Variants in ANO7 observed in about 807,000 individuals in gnomAD.
ANO7 encodes anoctamin-7.
A neutral mutation model predicts 115.8 loss-of-function variants in ANO7; 114 were observed. The observed-to-expected ratio is 0.98, with a 90% CI of 0.85 to 1.15. ANO7 has a LOEUF of 1.15. Ranked by LOEUF, ANO7 falls within the 50% of genes most tolerant of loss-of-function variation. ANO7 has a pLI of 0.00. For synonymous variants in ANO7, 550 were observed against 498.2 expected, an observed-to-expected ratio of 1.10 and a Z score of -1.38; for missense variants, 1,302 against 1,201.2, an observed-to-expected ratio of 1.08 and a Z score of -1.24.
At chr2:241,234,111 G>A in the ANO7 span, 8 of 818,388 alleles carry the variant, frequency 9.8e-6, no homozygotes, top group East Asian at 2.6e-5. Flanking sequence ...TCTCTGGTCC[G>A]ACCTCTGCCA....
chr2:241,231,176 G>A, the ANO7 span: 6 of 460,074 alleles, frequency 1.3e-5, no homozygotes, highest in South Asian at 5.1e-5. Context: ...CCTGAGGTCC[G>A]GAATTCGTGA....
intron 8 of ANO7, 68 bp downstream of exon 8, chr2:241,202,372 C>T: frequency 6.8e-7 from 1 of 1,474,522 alleles, no homozygotes; most frequent in African/African-American, 1.4e-5. Context: ...CTGTTGGCCC[C>T]CAGGGAGGCG....
chr2:241,231,069 G>T, the ANO7 span: 1 of 798,710 alleles, frequency 1.3e-6, no homozygotes, highest in Non-Finnish European at 2.0e-6. Flanking sequence ...CGTCACGGCT[G>T]ATTTAAAACA....
intron 7 of ANO7, among the ~76,000 whole-genome samples, chr2:241,201,945 C>T (rs1459558521): frequency 6.6e-6 from 1 of 152,232 alleles, no homozygotes; most frequent in African/African-American, 2.4e-5. Flanking sequence ...TCCCACATGC[C>T]GTGTGGCTCT....
the ANO7 span, chr2:241,235,295 G>C: frequency 6.2e-7 from 1 of 1,613,868 alleles, no homozygotes. Flanking sequence ...CAGGACCCCA[G>C]AGAACAGGAA....
chr2:241,202,424 G>A (rs1300547371), intron 8 of ANO7, 120 bp downstream of exon 8: 2 of 787,968 alleles, frequency 2.5e-6, no homozygotes, highest in Non-Finnish European at 4.2e-6. Flanking sequence ...CCACCCAGGA[G>A]TCAGAACACT....
At chr2:241,236,869 G>A in the ANO7 span, 1 of 1,302,680 alleles carries the variant, frequency 7.7e-7, no homozygotes, top group East Asian at 2.3e-5. Flanking sequence ...TGGGTGCTGG[G>A]TGGTAAAAGG....
At chr2:241,194,760 T>A (rs1410572254) in intron 3 of ANO7, among the ~76,000 whole-genome samples, 1 of 152,208 alleles carries the variant, frequency 6.6e-6, no homozygotes, top group Non-Finnish European at 1.5e-5. Context: ...ACCTTCACCA[T>A]AGGAATGTAT....
Position 241,204,932 on chromosome 2 carries a change from C to T in ANO7, c.957C>T (p.Phe319=). ...VGTLVFLVGC[F]LVFSDIPTQE... ...CACTGGTGTTCCTGGTGGGCTGCTT[C>T]CTGGTGTTCTCAGACATACCCACGT... The change falls in exon 10 of 25, where the codon TTC becomes TTT. Residue 319 remains phenylalanine (F), a synonymous_variant. Transcript: ENST00000674324. 6.2e-7 allele frequency: 1 copy of T among 1,614,082 alleles called. No individual in the cohort carries two copies. The highest frequency in any genetic ancestry group is 1.7e-4 in the Middle Eastern group (1 of 6,058).
At chr2:241,211,750 G>T (rs79776531) in intron 15 of ANO7, among the ~76,000 whole-genome samples, 2,153 of 152,246 alleles carry the variant, frequency 0.014, 46 homozygotes, top group African/African-American at 0.049. Flanking sequence ...TTCAGCCTTT[G>T]ATGCTCCTGC....
rs1014203218 is a variant in ANO7, at chr2:241,216,122, G to A, written c.1856G>A (p.Arg619Gln). 1.1e-5 allele frequency: 18 copies of A among 1,611,994 alleles called. No homozygotes were observed. Among genetic ancestry groups the A allele is most frequent in the African/African-American group, 9.4e-5 (7 of 74,782 alleles). Residue 619 changes from arginine (R) to glutamine (Q), a missense_variant, in exon 19 of 25, where the codon CGG becomes CAG. By Grantham distance (43) the Arg-to-Gln change is conservative. Coordinates refer to ENST00000674324, the MANE Select transcript of ANO7 (RefSeq NM_001370694.2). ...PKLKGWWQKF[R>Q]LRSKKRKAGA... Reference sequence around the variant, plus strand: ...CTAAAGGGCTGGTGGCAGAAGTTCCGGCTTCGCTCCAAGAAGAGGAAGGCG... The same window carrying A: ...CTAAAGGGCTGGTGGCAGAAGTTCCAGCTTCGCTCCAAGAAGAGGAAGGCG...
At chr2:241,236,083 CCTG>C in the ANO7 span, 1 of 190,394 alleles carries the variant, frequency 5.3e-6, no homozygotes, top group South Asian at 1.2e-4. Flanking sequence ...ACCTCCAGAA[CCTG>C]CTTTCTTGCC....
intron 5 of ANO7, 141 bp downstream of exon 5, chr2:241,199,564 C>T: frequency 1.3e-6 from 1 of 787,292 alleles, no homozygotes; most frequent in South Asian, 1.6e-5. Flanking sequence ...CGACACCAGG[C>T]CCCAAGAAAC....
intron 19 of ANO7, 170 bp from the exon 20 acceptor site, chr2:241,217,516 C>G: frequency 2.7e-6 from 2 of 734,302 alleles, no homozygotes; most frequent in Non-Finnish European, 4.3e-6. Context: ...TCAGGAGAGG[C>G]GGCCCTGGCG....
rs966182039 is a variant in ANO7, at chr2:241,217,549, G to T, written c.1973-137G>T. Reference sequence around the variant, plus strand: ...GCGCTGCGCGGTCCAGGACGAGGGAGACCAGGAGGTGGGGGCGGAATGAGC... The same window carrying T: ...GCGCTGCGCGGTCCAGGACGAGGGATACCAGGAGGTGGGGGCGGAATGAGC... On this transcript the variant is annotated intron_variant, in intron 19 of 24. Transcript: ENST00000674324. 88 of 1,011,472 alleles carry T rather than the reference G, an allele frequency of 8.7e-5. 1 individual carries two copies. Among genetic ancestry groups the T allele is most frequent in the Non-Finnish European group, 8.7e-5 (60 of 692,660 alleles). The allele number at this position is 1,011,472 out of a possible 1,614,324, so 62.7% of individuals were successfully genotyped here. A position where few individuals can be genotyped will look rare whatever the true frequency, so the allele number is the denominator to read the frequency against.
intron 21 of ANO7, among the ~76,000 whole-genome samples, chr2:241,221,832 C>G (rs1288173601): frequency 6.6e-6 from 1 of 151,568 alleles, no homozygotes; most frequent in Non-Finnish European, 1.5e-5. Flanking sequence ...TGCCTGCCAC[C>G]ATGCCCAGCT....
chr2:241,205,066 T>A (rs1029140874), intron 10 of ANO7, 111 bp downstream of exon 10: 4 of 858,876 alleles, frequency 4.7e-6, no homozygotes, highest in Non-Finnish European at 7.5e-6. Context: ...GTGCTTGAGG[T>A]GATTGAGGTG....
Position 241,224,480 on chromosome 2 carries a change from G to C in ANO7, c.*327G>C, listed in dbSNP as rs2149282824. Reference sequence around the variant, plus strand: ...CCCCTGGACACGACAGTTCTCCTCAGGCAGGTGGGCTTTGTGGTCCTCGCC... The same window carrying C: ...CCCCTGGACACGACAGTTCTCCTCACGCAGGTGGGCTTTGTGGTCCTCGCC... On this transcript the variant is annotated 3_prime_UTR_variant, in exon 25 of 25. Coordinates refer to ENST00000674324, the MANE Select transcript of ANO7 (RefSeq NM_001370694.2). 1 of 361,768 alleles carries C rather than the reference G, an allele frequency of 2.8e-6. No individual in the cohort carries two copies. The highest frequency in any genetic ancestry group is 5.4e-5 in the East Asian group (1 of 18,534). 22.4% of individuals were successfully genotyped at this position (361,768 alleles called of 1,614,324 possible). A position where few individuals can be genotyped will look rare whatever the true frequency, so the allele number is the denominator to read the frequency against.
At chr2:241,217,284 G>A (rs2068853578) in intron 19 of ANO7, among the ~76,000 whole-genome samples, 1 of 152,238 alleles carries the variant, frequency 6.6e-6, no homozygotes, top group African/African-American at 2.4e-5. Flanking sequence ...GGACCCCAAT[G>A]ATCTCACTAG....
Sources: gnomAD v4.1 joint callset for allele counts (sites outside exome capture counted in the v4.1 genomes callset) on GRCh38, gnomAD v4.1.1 for gene constraint, MANE v1.5 for transcripts, NCBI Gene and HGNC (gene_info 2026-07-23, HGNC 2026-07-21) for gene names.